The following UGT1A9 variants were observed in gnomAD, a reference collection of about 807,000 sequenced individuals.
UGT1A9 encodes UDP glucuronosyltransferase family 1 member A9.
A neutral mutation model predicts 45.0 loss-of-function variants in UGT1A9; 35 were observed. The observed-to-expected ratio is 0.78, with a 90% CI of 0.59 to 1.03. UGT1A9 has a LOEUF of 1.03. Ranked by LOEUF, UGT1A9 falls within the 50% of genes least tolerant of loss-of-function variation. The pLI is 0.00. For missense variants in UGT1A9, 687 were observed against 666.6 expected (o/e 1.03, Z -0.34); for synonymous variants, 278 against 250.6 (o/e 1.11, Z -1.03).
rs569101199 is a variant in UGT1A9, at chr2:233,772,971, C to T, written c.*412C>T. 9.8e-5 allele frequency: 30 copies of T among 306,230 alleles called. No individual in the cohort carries two copies. Among genetic ancestry groups the T allele is most frequent in the African/African-American group, 6.3e-4 (29 of 45,956 alleles). The allele number at this position is 306,230 out of a possible 1,614,324, so 19.0% of individuals were successfully genotyped here. On this transcript the variant is annotated 3_prime_UTR_variant, in exon 5 of 5. Coordinates refer to ENST00000354728, the MANE Select transcript of UGT1A9 (RefSeq NM_021027.3). ...GCAGATGGTTGCAATTGATCCTTAACCAATAATGGTCAGTCCTCATCTCTG... is the reference window on the plus strand; with the variant it reads ...GCAGATGGTTGCAATTGATCCTTAATCAATAATGGTCAGTCCTCATCTCTG...
intron 1 of UGT1A9, among the ~76,000 whole-genome samples, chr2:233,715,522 A>G (rs1320173957): frequency 1.3e-5 from 2 of 152,172 alleles, no homozygotes; most frequent in Admixed American, 6.5e-5. Context: ...CTGTAATTTC[A>G]GCCCTTTGGG....
intron 1 of UGT1A9, chr2:233,747,600 G>T: frequency 6.3e-7 from 1 of 1,575,586 alleles, no homozygotes; most frequent in Non-Finnish European, 8.7e-7. Context: ...GTCTTGTGTG[G>T]AGCTACTGCA....
chr2:233,769,915 T>C lies in UGT1A9; in HGVS notation c.1295+1476T>C, dbSNP rs906114329. 1 of 293,246 alleles carries C rather than the reference T, an allele frequency of 3.4e-6. No individual in the cohort carries two copies. The allele number at this position is 293,246 out of a possible 1,614,324, so 18.2% of individuals were successfully genotyped here. Reference sequence around the variant, plus strand: ...ACCTGAGCATCATGTGCCCAGAGCGTTGGGTGGTGTGGTCCCATTCCTTCC... The same window carrying C: ...ACCTGAGCATCATGTGCCCAGAGCGCTGGGTGGTGTGGTCCCATTCCTTCC... On this transcript the variant is annotated intron_variant, in intron 4 of 4. Transcript: ENST00000354728. The surrounding 1 kb of genome is among the most constrained non-coding windows in gnomAD (Gnocchi z 4.4).
At chr2:233,727,612 G>A (rs1475048958) in intron 1 of UGT1A9, among the ~76,000 whole-genome samples, 1 of 152,194 alleles carries the variant, frequency 6.6e-6, no homozygotes, top group Non-Finnish European at 1.5e-5. Flanking sequence ...GAATAGTTCA[G>A]AGGCTGAGAG....
At chr2:233,673,812 T>C (rs1156666728) in intron 1 of UGT1A9, among the ~76,000 whole-genome samples, 2 of 152,096 alleles carry the variant, frequency 1.3e-5, no homozygotes, top group Non-Finnish European at 2.9e-5. Flanking sequence ...TACTAACTTA[T>C]CTTATTATTT....
chr2:233,716,164 G>C (rs1445096027), intron 1 of UGT1A9, among the ~76,000 whole-genome samples: 2 of 152,102 alleles, frequency 1.3e-5, no homozygotes, highest in African/African-American at 4.8e-5. Context: ...TGGAGATGCA[G>C]TGCAGCATCT....
rs773080052 is a variant in UGT1A9, at chr2:233,725,069, CGCAGGCACTCG to C, written c.856-41958_856-41948del. On this transcript the variant is annotated intron_variant, in intron 1 of 4. Coordinates refer to ENST00000354728, the MANE Select transcript of UGT1A9 (RefSeq NM_021027.3). ...AGGCGTGGCGGCGCGCGCCTGCAAT[CGCAGGCACTCG>C]GCAGGCTGAGGCAGGAGAATCAGGC... 5.1e-3 allele frequency among the ~76,000 whole-genome samples: 744 copies of C among 146,616 alleles called. 33 individuals carry two copies. The highest frequency in any genetic ancestry group is 8.3e-3 in the Non-Finnish European group (553 of 66,856).
chr2:233,736,579 A>C (rs2078778332), intron 1 of UGT1A9, among the ~76,000 whole-genome samples: 2 of 152,120 alleles, frequency 1.3e-5, no homozygotes. Flanking sequence ...GATCCTTTGG[A>C]GGAGATGTGC....
intron 1 of UGT1A9, chr2:233,760,508 A>T (rs983416663): frequency 5.0e-6 from 8 of 1,614,272 alleles, no homozygotes; most frequent in Non-Finnish European, 6.8e-6. Flanking sequence ...GGAGCATTTT[A>T]CACCTTGAAG....
chr2:233,745,071 G>C (rs981811501), intron 1 of UGT1A9, among the ~76,000 whole-genome samples: 2 of 151,782 alleles, frequency 1.3e-5, no homozygotes. Flanking sequence ...TATTTGTATT[G>C]TTTTTTCATT....
chr2:233,700,454 G>T (rs2075565254), intron 1 of UGT1A9, among the ~76,000 whole-genome samples: 1 of 152,100 alleles, frequency 6.6e-6, no homozygotes, highest in Admixed American at 6.5e-5. Flanking sequence ...ATGCTAGAAT[G>T]ATTCAGCTAA....
chr2:233,693,154 T>A (rs774068638), intron 1 of UGT1A9: 1 of 1,614,252 alleles, frequency 6.2e-7, no homozygotes, highest in Non-Finnish European at 8.5e-7. Context: ...AGGTTCTCAG[T>A]GACCGGGGTC....
intron 1 of UGT1A9, chr2:233,729,672 TAAGGGCACACAGTGTCC>T (rs2077905850): frequency 6.2e-7 from 1 of 1,613,858 alleles, no homozygotes; most frequent in South Asian, 1.1e-5. Context: ...ATTTAGACTT[TAAGGGCACACAGTGTCC>T]AAACCCTTCC....
chr2:233,713,704 T>C (rs778886685), intron 1 of UGT1A9: 1 of 1,613,920 alleles, frequency 6.2e-7, no homozygotes, highest in Admixed American at 1.7e-5. Context: ...GCCTCTGAGC[T>C]TTTTCAGAGA....
In UGT1A9 at chr2:233,682,010, G is replaced by T. The variant is rs748366826; in HGVS notation, c.855+9221G>T. Reference sequence around the variant, plus strand: ...ACTGCTGACCTGTGGCTTTGCCAAGGCAGGGAAGCTGCTGGTAGTGCCCAT... The same window carrying T: ...ACTGCTGACCTGTGGCTTTGCCAAGTCAGGGAAGCTGCTGGTAGTGCCCAT... On this transcript the variant is annotated intron_variant, in intron 1 of 4. Transcript: ENST00000354728. 2 of 1,614,024 alleles carry T rather than the reference G, an allele frequency of 1.2e-6. No individual in the cohort carries two copies. The highest frequency in any genetic ancestry group is 1.1e-5 in the South Asian group (1 of 91,090).
intron 1 of UGT1A9, among the ~76,000 whole-genome samples, chr2:233,696,194 C>G (rs943061059): frequency 6.6e-6 from 1 of 152,176 alleles, no homozygotes; most frequent in Non-Finnish European, 1.5e-5. Context: ...TATCTGCACT[C>G]CCATGTTTAT....
chr2:233,720,934 C>T (rs1372026548), intron 1 of UGT1A9, among the ~76,000 whole-genome samples: 1 of 148,294 alleles, frequency 6.7e-6, no homozygotes, highest in Non-Finnish European at 1.5e-5. Flanking sequence ...TGGTCTTGAA[C>T]TCCTGACCTC....
At chr2:233,742,331 G>A (rs1268078196) in intron 1 of UGT1A9, among the ~76,000 whole-genome samples, 3 of 151,974 alleles carry the variant, frequency 2.0e-5, no homozygotes, top group South Asian at 4.1e-4. Context: ...GAAACAAAGG[G>A]ATGGGCTCTG....
intron 1 of UGT1A9, among the ~76,000 whole-genome samples, chr2:233,748,613 G>C (rs1489441058): frequency 6.6e-6 from 1 of 151,820 alleles, no homozygotes; most frequent in South Asian, 2.1e-4. Flanking sequence ...AGCAACGAAC[G>C]TGGGATATAT....
Sources: gnomAD v4.1 joint callset for allele counts (sites outside exome capture counted in the v4.1 genomes callset) on GRCh38, gnomAD v4.1.1 for gene constraint, Gnocchi (gnomAD v3.1) non-coding constraint, MANE v1.5 for transcripts, NCBI Gene and HGNC (gene_info 2026-07-23, HGNC 2026-07-21) for gene names.